The following NCAM2 variants were observed in gnomAD, a reference collection of about 807,000 sequenced individuals.
The protein encoded by NCAM2 is neural cell adhesion molecule 2.
In NCAM2, 30 loss-of-function variants were observed where a neutral mutation model predicts 98.1. The observed-to-expected ratio is 0.31, with a 90% confidence interval of 0.23 to 0.41. The LOEUF is 0.41. NCAM2 is among the 10% of genes least tolerant of loss of function. The pLI, the probability that NCAM2 is intolerant of heterozygous loss-of-function variation, is 1.00. For synonymous variants in NCAM2, 368 were observed against 342.4 expected (o/e 1.07, Z -0.83); for missense variants, 867 against 1,005.8 (o/e 0.86, Z 1.87).
intron 1 of NCAM2, among the ~76,000 whole-genome samples, chr21:21,151,422 G>A (rs2067445420): frequency 6.6e-6 from 1 of 152,002 alleles, no homozygotes; most frequent in Non-Finnish European, 1.5e-5. Context: ...TATTATTAAT[G>A]GTTATTAGGT....
At chr21:21,156,515 T>C (rs73334329) in intron 1 of NCAM2, among the ~76,000 whole-genome samples, 3,535 of 152,058 alleles carry the variant, frequency 0.023, 79 homozygotes, top group African/African-American at 0.044. Context: ...GTTAGTCTTT[T>C]GTTTGCATGG....
intron 11 of NCAM2, among the ~76,000 whole-genome samples, chr21:21,425,404 C>A (rs937059506): frequency 2.0e-5 from 3 of 152,018 alleles, no homozygotes; most frequent in Non-Finnish European, 4.4e-5. Flanking sequence ...TTGAATGGTT[C>A]ATTGTGTTAT....
intron 8 of NCAM2, among the ~76,000 whole-genome samples, chr21:21,341,077 T>G (rs2147888054): frequency 6.6e-6 from 1 of 152,236 alleles, no homozygotes; most frequent in South Asian, 2.1e-4. Context: ...ATTACAAATT[T>G]ACAGTATGGC....
chr21:21,465,403 A>T (rs1475226379), intron 12 of NCAM2, among the ~76,000 whole-genome samples: 1 of 152,008 alleles, frequency 6.6e-6, no homozygotes, highest in Non-Finnish European at 1.5e-5. Context: ...CAACATAGTG[A>T]GACCCCATCT....
intron 6 of NCAM2, among the ~76,000 whole-genome samples, chr21:21,332,622 G>A (rs570986200): frequency 6.6e-6 from 1 of 152,256 alleles, no homozygotes; most frequent in East Asian, 1.9e-4. Context: ...ACCCTCTGCA[G>A]ATATCTATAG....
At chr21:21,366,580 T>C (rs1041463740) in intron 8 of NCAM2, among the ~76,000 whole-genome samples, 2 of 152,072 alleles carry the variant, frequency 1.3e-5, no homozygotes, top group African/African-American at 4.8e-5. Flanking sequence ...CTTTTAAGTA[T>C]GCTATAGCAG....
At chr21:21,515,234 G>A (rs1425574591) in intron 16 of NCAM2, among the ~76,000 whole-genome samples, 2 of 152,072 alleles carry the variant, frequency 1.3e-5, no homozygotes, top group Non-Finnish European at 2.9e-5. Context: ...GTCCTTTTGG[G>A]TTGCTGAATA....
intron 9 of NCAM2, among the ~76,000 whole-genome samples, chr21:21,409,119 G>A (rs1427597775): frequency 6.6e-6 from 1 of 152,116 alleles, no homozygotes; most frequent in East Asian, 1.9e-4. Context: ...GCTTACTTGA[G>A]AATTATGCTT....
chr21:21,452,074 C>T (rs568896314), intron 12 of NCAM2, among the ~76,000 whole-genome samples: 5 of 151,586 alleles, frequency 3.3e-5, no homozygotes, highest in East Asian at 3.9e-4. Context: ...TCCTTTCTTT[C>T]GTTTTAGGAT....
intron 1 of NCAM2, among the ~76,000 whole-genome samples, chr21:21,270,325 A>C (rs754957486): frequency 1.3e-5 from 2 of 152,160 alleles, no homozygotes; most frequent in East Asian, 3.8e-4. Context: ...CTCAGGGCCT[A>C]ACTACCACAT....
At chr21:21,028,683 G>A (rs1051766866) in intron 1 of NCAM2, among the ~76,000 whole-genome samples, 11 of 152,092 alleles carry the variant, frequency 7.2e-5, no homozygotes, top group African/African-American at 2.7e-4. Context: ...TATGAAATTG[G>A]CACACAAAAT....
chr21:21,171,941 AC>A (rs1352625770), intron 1 of NCAM2, among the ~76,000 whole-genome samples: 1 of 152,146 alleles, frequency 6.6e-6, no homozygotes, highest in African/African-American at 2.4e-5. Flanking sequence ...AATTGCAAGA[AC>A]TTCAGTCCCT....
chr21:21,457,295 G>A (rs1982289820), intron 12 of NCAM2, among the ~76,000 whole-genome samples: 1 of 152,142 alleles, frequency 6.6e-6, no homozygotes, highest in African/African-American at 2.4e-5. Flanking sequence ...TGAGGTCTCA[G>A]ACAAAAATTA....
chr21:21,233,211 A>G (rs1290435942), intron 1 of NCAM2, among the ~76,000 whole-genome samples: 1 of 151,510 alleles, frequency 6.6e-6, no homozygotes, highest in Non-Finnish European at 1.5e-5. Flanking sequence ...CTCCCTCTCC[A>G]AGACACATTC....
intron 11 of NCAM2, 144 bp downstream of exon 11, chr21:21,418,713 G>A: frequency 1.4e-6 from 1 of 694,808 alleles, no homozygotes; most frequent in Non-Finnish European, 2.6e-6. Context: ...GTGGTTACCA[G>A]AGGCTTGGTA....
chr21:21,149,987 C>T lies in NCAM2; in HGVS notation c.56-130591C>T, dbSNP rs142234518. The stretch of plus-strand genomic sequence containing the variant: ...CTAGTTCTAGATCCTTTAGGAATTG[C>T]CACACTATTTTCCACAACGGTTGAA... On this transcript the variant is annotated intron_variant, in intron 1 of 17. Transcript: ENST00000400546. 1.7e-3 allele frequency among the ~76,000 whole-genome samples: 262 copies of T among 152,184 alleles called. 2 individuals are homozygous for T. Among genetic ancestry groups the T allele is most frequent in the African/African-American group, 6.0e-3 (249 of 41,518 alleles).
intron 1 of NCAM2, among the ~76,000 whole-genome samples, chr21:21,192,488 T>C (rs994399336): frequency 3.3e-5 from 5 of 152,120 alleles, no homozygotes; most frequent in Non-Finnish European, 1.5e-5. Flanking sequence ...TTGGTTGCAA[T>C]GGTGGGTGCT....
chr21:21,495,463 G>C (rs1415442015), intron 15 of NCAM2, among the ~76,000 whole-genome samples: 2 of 151,970 alleles, frequency 1.3e-5, no homozygotes, highest in Non-Finnish European at 2.9e-5. Flanking sequence ...GCCGCCTCTA[G>C]CTCTTTCCAA....
intron 1 of NCAM2, among the ~76,000 whole-genome samples, chr21:21,050,342 A>C (rs965356255): frequency 6.6e-6 from 1 of 152,182 alleles, no homozygotes; most frequent in Admixed American, 6.5e-5. Flanking sequence ...TAAGTCAGGG[A>C]TTATGTACCA....
Sources: allele counts gnomAD v4.1 joint callset (sites outside exome capture counted in the v4.1 genomes callset), GRCh38; gene constraint gnomAD v4.1.1; transcripts MANE v1.5; gene names NCBI Gene and HGNC (gene_info 2026-07-23, HGNC 2026-07-21).